FAM169A: variants seen among roughly 807,000 people sequenced by gnomAD.
The protein encoded by FAM169A is family with sequence similarity 169 member A, also known as soluble lamin-associated protein of 75 kDa.
A neutral mutation model predicts 75.7 loss-of-function variants in FAM169A; 24 were observed. The ratio of observed to expected loss-of-function variants is 0.32; its 90% CI spans 0.23 to 0.45. FAM169A has a LOEUF of 0.45. Ranked by LOEUF, FAM169A falls within the 20% of genes least tolerant of loss-of-function variation. The pLI, the probability that FAM169A is intolerant of heterozygous loss-of-function variation, is 1.00. For missense variants in FAM169A, 673 were observed against 784.0 expected, an observed-to-expected ratio of 0.86 and a Z score of 1.69; for synonymous variants, 271 against 271.0, an observed-to-expected ratio of 1.00 and a Z score of 0.00.
chr5:74,784,776 G>A (rs1415143662), intron 11 of FAM169A, among the ~76,000 whole-genome samples: 12 of 150,120 alleles, frequency 8.0e-5, no homozygotes, highest in South Asian at 2.1e-4. Context: ...AAAATTAGCC[G>A]GGCGTGGTGG....
intron 10 of FAM169A, among the ~76,000 whole-genome samples, chr5:74,797,578 T>C (rs1055833729): frequency 2.0e-5 from 3 of 152,210 alleles, no homozygotes; most frequent in Non-Finnish European, 4.4e-5. Context: ...TCGAAATCTG[T>C]AGATACAATA....
chr5:74,848,889 G>GT (rs912445867), intron 1 of FAM169A: 2 of 151,962 alleles, frequency 1.3e-5, no homozygotes, highest in African/African-American at 4.8e-5. Flanking sequence ...CTTTTTTGTT[G>GT]TTTTTAAGCT....
intron 1 of FAM169A, among the ~76,000 whole-genome samples, chr5:74,843,915 C>T (rs1217181473): frequency 1.3e-5 from 2 of 152,130 alleles, no homozygotes; most frequent in Admixed American, 6.5e-5. Flanking sequence ...AGTGAGACAA[C>T]CCTACTGCAT....
At chr5:74,851,313 T>C (rs1223596836) in intron 1 of FAM169A, among the ~76,000 whole-genome samples, 1 of 152,178 alleles carries the variant, frequency 6.6e-6, no homozygotes, top group Non-Finnish European at 1.5e-5. Flanking sequence ...TTGGGTTACA[T>C]GCCTCCATCC....
chr5:74,808,906 G>C (rs905485230), intron 6 of FAM169A, among the ~76,000 whole-genome samples: 1 of 152,112 alleles, frequency 6.6e-6, no homozygotes, highest in Admixed American at 6.5e-5. Flanking sequence ...GTTCAATCTA[G>C]ACTTGGTACA....
At chr5:74,807,144 T>C (rs931659027) in intron 6 of FAM169A, among the ~76,000 whole-genome samples, 2 of 152,164 alleles carry the variant, frequency 1.3e-5, no homozygotes, top group Non-Finnish European at 2.9e-5. Context: ...GATAAACCCA[T>C]CATAAATTGA....
chr5:74,793,123 G>C (rs6864505), intron 11 of FAM169A, among the ~76,000 whole-genome samples: 1 of 151,822 alleles, frequency 6.6e-6, no homozygotes, highest in Non-Finnish European at 1.5e-5. Flanking sequence ...TCAAGAGATC[G>C]AGACCATCCT....
At chr5:74,819,836 G>A (rs1163473711) in intron 5 of FAM169A, among the ~76,000 whole-genome samples, 3 of 152,168 alleles carry the variant, frequency 2.0e-5, no homozygotes, top group African/African-American at 2.4e-5. Flanking sequence ...AAATAGATTA[G>A]TGGTTGTTGA....
chr5:74,801,727 T>C (rs17670897), intron 8 of FAM169A, 98 bp from the exon 9 acceptor site: 76,632 of 875,386 alleles, frequency 0.088, 3,928 homozygotes, highest in Admixed American at 0.19. Flanking sequence ...TGTAAAATGT[T>C]TTCCAAATAG....
chr5:74,858,665 G>A (rs904181129), intron 1 of FAM169A, among the ~76,000 whole-genome samples: 59 of 152,156 alleles, frequency 3.9e-4, no homozygotes, highest in African/African-American at 1.3e-3. Flanking sequence ...TAAATCATTT[G>A]TACACCAAAC....
intron 5 of FAM169A, among the ~76,000 whole-genome samples, chr5:74,830,238 TAC>T (rs1305051523): frequency 6.6e-6 from 1 of 152,150 alleles, no homozygotes; most frequent in Non-Finnish European, 1.5e-5. Flanking sequence ...GACTTAAGAT[TAC>T]AGATTACTAT....
At chr5:74,819,606 A>G (rs760669437) in intron 5 of FAM169A, among the ~76,000 whole-genome samples, 3 of 152,234 alleles carry the variant, frequency 2.0e-5, no homozygotes, top group South Asian at 2.1e-4. Context: ...ACAATTGTTC[A>G]TATCAGCATT....
At chr5:74,787,896 G>C (rs1428236308) in intron 11 of FAM169A, among the ~76,000 whole-genome samples, 1 of 148,710 alleles carries the variant, frequency 6.7e-6, no homozygotes, top group Admixed American at 6.6e-5. Flanking sequence ...AAAAAAGAGA[G>C]AATCACAGCC....
In FAM169A at chr5:74,833,679, A is replaced by C. The variant is rs541800358; in HGVS notation, c.490+747T>G. Among the ~76,000 whole-genome samples the C allele has an allele frequency of 2.8e-4, 43 of 152,338 alleles. No homozygotes were observed. In the East Asian group the frequency reaches 4.1e-3, roughly 14 times the overall value. On this transcript the variant is annotated intron_variant, in intron 5 of 12. Coordinates refer to ENST00000687041, the MANE Select transcript of FAM169A (RefSeq NM_001376049.1). Reference sequence around the variant, plus strand: ...CTGAAATGGAAATAAAAAGAAACTAAGTGTATTCTCTGTGAAAGGTCTTTT... The same window carrying C: ...CTGAAATGGAAATAAAAAGAAACTACGTGTATTCTCTGTGAAAGGTCTTTT...
At chr5:74,794,942 G>C (rs1746191073) in intron 11 of FAM169A, among the ~76,000 whole-genome samples, 1 of 151,934 alleles carries the variant, frequency 6.6e-6, no homozygotes, top group African/African-American at 2.4e-5. Context: ...GAGGAAGCAG[G>C]AGCTAAATCA....
intron 1 of FAM169A, among the ~76,000 whole-genome samples, chr5:74,846,879 A>G (rs922325998): frequency 5.9e-5 from 9 of 152,232 alleles, no homozygotes; most frequent in East Asian, 3.9e-4. Flanking sequence ...GAGGCTTTAG[A>G]TAAGAGTGGT....
chr5:74,797,476 C>A (rs1195607509), intron 10 of FAM169A, among the ~76,000 whole-genome samples: 2 of 152,172 alleles, frequency 1.3e-5, no homozygotes, highest in Admixed American at 6.5e-5. Context: ...CGTGCCCAGC[C>A]TAGACCCTTA....
intron 5 of FAM169A, among the ~76,000 whole-genome samples, chr5:74,823,741 A>G (rs1411679563): frequency 6.6e-6 from 1 of 152,200 alleles, no homozygotes; most frequent in African/African-American, 2.4e-5. Context: ...TCAGGTAGCC[A>G]CAGAGTAGTA....
chr5:74,851,543 C>A (rs1181041756), intron 1 of FAM169A, among the ~76,000 whole-genome samples: 2 of 152,068 alleles, frequency 1.3e-5, no homozygotes, highest in African/African-American at 2.4e-5. Context: ...TACTTACTTG[C>A]CTCGAAACAT....
Sources: allele counts gnomAD v4.1 joint callset (sites outside exome capture counted in the v4.1 genomes callset), GRCh38; gene constraint gnomAD v4.1.1; transcripts MANE v1.5; gene names NCBI Gene and HGNC (gene_info 2026-07-23, HGNC 2026-07-21).